The following PLPPR1 variants were observed in gnomAD, a reference collection of about 807,000 sequenced individuals.
The protein encoded by PLPPR1 is phospholipid phosphatase-related protein type 1.
A neutral mutation model predicts 33.1 loss-of-function variants in PLPPR1; 10 were observed. The observed-to-expected ratio is 0.30, with a 90% CI of 0.19 to 0.51. The LOEUF is 0.51. PLPPR1 is among the 20% of genes least tolerant of loss of function. PLPPR1 has a pLI of 0.97. For missense variants in PLPPR1, 304 were observed against 408.1 expected (o/e 0.74, Z 2.20); for synonymous variants, 151 against 151.0 (o/e 1.00, Z 0.00).
intron 2 of PLPPR1, among the ~76,000 whole-genome samples, chr9:101,210,229 A>G (rs948909868): frequency 6.6e-6 from 1 of 152,204 alleles, no homozygotes; most frequent in African/African-American, 2.4e-5. Flanking sequence ...AATTGCATAT[A>G]CCTTGAAGAA....
At chr9:101,100,423 G>GA (rs928324981) in intron 1 of PLPPR1, among the ~76,000 whole-genome samples, 1 of 151,878 alleles carries the variant, frequency 6.6e-6, no homozygotes, top group African/African-American at 2.4e-5. Flanking sequence ...TTTTATTTGT[G>GA]AAAAAAACCT....
chr9:101,068,253 C>G (rs1311503679), intron 1 of PLPPR1, among the ~76,000 whole-genome samples: 1 of 152,018 alleles, frequency 6.6e-6, no homozygotes, highest in Non-Finnish European at 1.5e-5. Context: ...GAAAATACTT[C>G]TCAAATTTTG....
chr9:101,307,931 A>T (rs781621961), intron 4 of PLPPR1, among the ~76,000 whole-genome samples: 2 of 152,184 alleles, frequency 1.3e-5, no homozygotes. Context: ...CAGTGCATAG[A>T]TGTAATATAC....
At chr9:101,094,766 G>A (rs1830793252) in intron 1 of PLPPR1, among the ~76,000 whole-genome samples, 1 of 152,156 alleles carries the variant, frequency 6.6e-6, no homozygotes, top group Non-Finnish European at 1.5e-5. Context: ...GCACCAAATT[G>A]TGAGTTAAAT....
At chr9:101,083,118 T>C (rs1051931539) in intron 1 of PLPPR1, among the ~76,000 whole-genome samples, 2 of 152,168 alleles carry the variant, frequency 1.3e-5, no homozygotes, top group Non-Finnish European at 2.9e-5. Flanking sequence ...AAATGAATCC[T>C]GCTTTATGGA....
intron 1 of PLPPR1, among the ~76,000 whole-genome samples, chr9:101,137,857 C>T (rs1375912984): frequency 6.6e-6 from 1 of 152,224 alleles, no homozygotes; most frequent in African/African-American, 2.4e-5. Context: ...CCTGACTGTA[C>T]TGTCATACCC....
At chr9:101,042,374 G>T (rs7041246) in intron 1 of PLPPR1, among the ~76,000 whole-genome samples, 364 of 152,188 alleles carry the variant, frequency 2.4e-3, no homozygotes, top group African/African-American at 8.6e-3. Flanking sequence ...TGAGATGAGG[G>T]TTTCTTTTTC....
intron 1 of PLPPR1, among the ~76,000 whole-genome samples, chr9:101,142,314 C>T (rs1462229201): frequency 1.3e-5 from 2 of 152,236 alleles, no homozygotes; most frequent in African/African-American, 4.8e-5. Flanking sequence ...TGACTTAATA[C>T]AAAAAATGAG....
At chr9:101,253,322 C>T (rs543994696) in intron 2 of PLPPR1, among the ~76,000 whole-genome samples, 35 of 151,696 alleles carry the variant, frequency 2.3e-4, no homozygotes, top group Middle Eastern at 3.4e-3. Flanking sequence ...CCGAGGCAGG[C>T]GGATCATTTG....
intron 1 of PLPPR1, among the ~76,000 whole-genome samples, chr9:101,149,634 T>A (rs1167266319): frequency 6.6e-6 from 1 of 152,212 alleles, no homozygotes; most frequent in East Asian, 1.9e-4. Context: ...CTACAGTCTA[T>A]TCTAATTCAT....
rs1362751037 is a variant in PLPPR1, at chr9:101,286,226, A to G, written c.375A>G (p.Ile125Met). 1 of 1,613,842 alleles carries G rather than the reference A, an allele frequency of 6.2e-7. No individual in the cohort carries two copies. Among genetic ancestry groups the G allele is most frequent in the Non-Finnish European group, 8.5e-7 (1 of 1,179,806 alleles). ...TGAACCCCTTACTTCGAAGGATCATAAGATTCACAGGTGAGTACAAGATGG... is the reference window on the plus strand; with the variant it reads ...TGAACCCCTTACTTCGAAGGATCATGAGATTCACAGGTGAGTACAAGATGG... ...CYLNPLLRRI[I>M]RFTGVFAFGL... The change falls in exon 4 of 8, where the codon ATA (isoleucine) becomes ATG (methionine). Residue 125 changes from isoleucine (I) to methionine (M), a missense_variant. Transcript: ENST00000374874.
chr9:101,161,904 T>C (rs1326568503), intron 1 of PLPPR1, among the ~76,000 whole-genome samples: 2 of 152,038 alleles, frequency 1.3e-5, no homozygotes, highest in Non-Finnish European at 2.9e-5. Context: ...TATTTCAATA[T>C]TTTTTTCTCT....
At chr9:101,167,895 T>G (rs543449475) in intron 1 of PLPPR1, among the ~76,000 whole-genome samples, 2 of 152,152 alleles carry the variant, frequency 1.3e-5, no homozygotes, top group Non-Finnish European at 2.9e-5. Flanking sequence ...TTTAATTGAC[T>G]CACAGTTCCA....
intron 2 of PLPPR1, among the ~76,000 whole-genome samples, chr9:101,212,313 C>T (rs537956612): frequency 8.6e-4 from 131 of 152,132 alleles, no homozygotes; most frequent in African/African-American, 3.0e-3. Flanking sequence ...AAACTCCTGA[C>T]CTCCAGTGAT....
intron 1 of PLPPR1, among the ~76,000 whole-genome samples, chr9:101,147,671 C>T (rs60195477): frequency 0.17 from 26,394 of 152,146 alleles, 2,517 homozygotes; most frequent in Non-Finnish European, 0.22. Context: ...ACCAGCAGCT[C>T]ATACAGCAGG....
At chr9:101,060,871 G>A (rs1830339079) in intron 1 of PLPPR1, among the ~76,000 whole-genome samples, 2 of 151,756 alleles carry the variant, frequency 1.3e-5, no homozygotes, top group African/African-American at 2.4e-5. Flanking sequence ...GTACAAAAAT[G>A]TTTTATCAAT....
At chr9:101,307,868 A>G (rs1828883210) in intron 4 of PLPPR1, among the ~76,000 whole-genome samples, 2 of 152,272 alleles carry the variant, frequency 1.3e-5, no homozygotes, top group South Asian at 2.1e-4. Flanking sequence ...CTTCAATTGC[A>G]TATAATACAT....
chr9:101,218,724 C>G (rs1588078017), intron 2 of PLPPR1, among the ~76,000 whole-genome samples: 1 of 152,130 alleles, frequency 6.6e-6, no homozygotes, highest in South Asian at 2.1e-4. Flanking sequence ...GTTAAAGAAA[C>G]TTCTAACAGC....
chr9:101,289,050 G>A (rs751514841), intron 4 of PLPPR1, among the ~76,000 whole-genome samples: 4 of 152,076 alleles, frequency 2.6e-5, no homozygotes, highest in African/African-American at 4.8e-5. Context: ...GCCTCATCCC[G>A]AGCCACTCCC....
Sources: allele counts gnomAD v4.1 joint callset (sites outside exome capture counted in the v4.1 genomes callset), GRCh38; gene constraint gnomAD v4.1.1; transcripts MANE v1.5; gene names NCBI Gene and HGNC (gene_info 2026-07-23, HGNC 2026-07-21).